The following MYO16 variants were observed in gnomAD, a reference collection of about 807,000 sequenced individuals.
The protein encoded by MYO16 is myosin XVI.
MYO16 carries 94 observed loss-of-function variants against 205.3 expected under a neutral mutation model. The observed-to-expected ratio is 0.46, with a 90% CI of 0.39 to 0.54. The LOEUF is 0.54. Among genes scored for constraint, MYO16 ranks in the 20% least tolerant of loss-of-function variants. The pLI, the probability that MYO16 is intolerant of heterozygous loss-of-function variation, is 0.00. For missense variants in MYO16, 2,315 were observed against 2,387.5 expected (o/e 0.97, Z 0.63); for synonymous variants, 988 against 954.0 (o/e 1.04, Z -0.66).
chr13:108,898,343 G>GGTGTGTGT (rs1303223685), intron 15 of MYO16, among the ~76,000 whole-genome samples: 6 of 67,454 alleles, frequency 8.9e-5, no homozygotes, highest in Admixed American at 6.8e-4. Flanking sequence ...CTCAGTTGAG[G>GGTGTGTGT]GTGTGTGAGT....
chr13:108,970,179 T>C (rs1883956778), intron 20 of MYO16, among the ~76,000 whole-genome samples: 1 of 152,186 alleles, frequency 6.6e-6, no homozygotes, highest in Non-Finnish European at 1.5e-5. Flanking sequence ...ATAGGCAGAA[T>C]TGTTCACAAC....
At chr13:109,016,482 C>G (rs1885822224) in intron 22 of MYO16, among the ~76,000 whole-genome samples, 1 of 152,150 alleles carries the variant, frequency 6.6e-6, no homozygotes, top group Non-Finnish European at 1.5e-5. Flanking sequence ...ATTAGTTCTG[C>G]TTGGTGCAGA....
At chr13:108,826,028 T>C (rs964108967) in intron 9 of MYO16, among the ~76,000 whole-genome samples, 2 of 151,990 alleles carry the variant, frequency 1.3e-5, no homozygotes, top group African/African-American at 2.4e-5. Flanking sequence ...GTTAACACAA[T>C]CTCTATAAAA....
intron 4 of MYO16, among the ~76,000 whole-genome samples, chr13:108,735,609 G>C (rs1032460408): frequency 2.6e-5 from 4 of 151,138 alleles, no homozygotes; most frequent in African/African-American, 9.7e-5. Flanking sequence ...ACATACGTGT[G>C]CATGTGTCTT....
chr13:109,145,431 T>G (rs73619952), intron 32 of MYO16, among the ~76,000 whole-genome samples: 2 of 152,100 alleles, frequency 1.3e-5, no homozygotes, highest in East Asian at 1.9e-4. Context: ...GTAATAGTCA[T>G]AAGAGTTTAG....
chr13:109,017,810 C>T (rs1368368506), intron 22 of MYO16, among the ~76,000 whole-genome samples: 2 of 152,104 alleles, frequency 1.3e-5, no homozygotes, highest in Non-Finnish European at 2.9e-5. Context: ...GTTTTCAGCT[C>T]CATCAGGTCA....
At chr13:109,051,769 G>A (rs2139604194) in intron 24 of MYO16, among the ~76,000 whole-genome samples, 1 of 152,124 alleles carries the variant, frequency 6.6e-6, no homozygotes, top group Admixed American at 6.5e-5. Context: ...TATTTGTTTT[G>A]TTTTGTTTTG....
chr13:108,965,094 G>C (rs1883740008), intron 20 of MYO16, among the ~76,000 whole-genome samples, 192 bp downstream of exon 20: 1 of 152,124 alleles, frequency 6.6e-6, no homozygotes, highest in Admixed American at 6.5e-5. Flanking sequence ...CCTCTCCCTG[G>C]GGTACCCTCC....
chr13:108,854,506 C>T (rs1422685999), intron 10 of MYO16, among the ~76,000 whole-genome samples: 4 of 152,002 alleles, frequency 2.6e-5, no homozygotes, highest in Non-Finnish European at 4.4e-5. Context: ...TTAACAATGG[C>T]ATATGCTGTT....
chr13:108,939,096 C>T (rs770091046), intron 16 of MYO16, among the ~76,000 whole-genome samples: 9 of 152,220 alleles, frequency 5.9e-5, no homozygotes, highest in Non-Finnish European at 1.2e-4. Context: ...CAATCTCAGG[C>T]CCAAGACTAA....
chr13:109,019,052 T>A (rs1006364885), intron 22 of MYO16, among the ~76,000 whole-genome samples: 2 of 150,092 alleles, frequency 1.3e-5, no homozygotes, highest in African/African-American at 4.9e-5. Context: ...CACTGCAACC[T>A]CCACCTCTTG....
chr13:109,177,660 G>T (rs1425108985), intron 33 of MYO16, among the ~76,000 whole-genome samples: 3 of 152,066 alleles, frequency 2.0e-5, no homozygotes, highest in African/African-American at 7.2e-5. Context: ...TGAGACTACA[G>T]GTGTGCACCA....
rs753972670 is a variant in MYO16, at chr13:108,666,184, G to A, written c.292+35G>A. The A allele has an allele frequency of 9.7e-6, 15 of 1,553,650 alleles. No individual in the cohort carries two copies. The Admixed American group carries it at 2.4e-4, about 25-fold the overall frequency. On this transcript the variant is annotated intron_variant, in intron 2 of 34. Coordinates refer to ENST00000457511, the MANE Select transcript of MYO16 (RefSeq NM_001198950.3). Reference sequence around the variant, plus strand: ...AAGAAAGAAGGACCCGTTTTCTGATGTGATTTTTCATGATTGATTTTTGTT... The same window carrying A: ...AAGAAAGAAGGACCCGTTTTCTGATATGATTTTTCATGATTGATTTTTGTT...
At chr13:108,763,572 T>TA (rs1432923965) in intron 4 of MYO16, among the ~76,000 whole-genome samples, 1 of 152,142 alleles carries the variant, frequency 6.6e-6, no homozygotes, top group Non-Finnish European at 1.5e-5. Flanking sequence ...AATACAGATG[T>TA]TAAAGAAGAT....
the MYO16 span, among the ~76,000 whole-genome samples, chr13:108,557,129 T>C: frequency 6.6e-6 from 1 of 152,198 alleles, no homozygotes; most frequent in African/African-American, 2.4e-5. Context: ...TTCTGCAGTT[T>C]CACAAAAATT....
chr13:108,767,457 A>T (rs1270539173), intron 4 of MYO16, among the ~76,000 whole-genome samples: 1 of 151,094 alleles, frequency 6.6e-6, no homozygotes, highest in Non-Finnish European at 1.5e-5. Flanking sequence ...TATACATCTC[A>T]GGACATGGTA....
chr13:108,623,041 A>C (rs963782335), intron 1 of MYO16, among the ~76,000 whole-genome samples: 2 of 152,134 alleles, frequency 1.3e-5, no homozygotes, highest in African/African-American at 4.8e-5. Flanking sequence ...CTCCAGGCTT[A>C]TCACCCTGAA....
At chr13:109,054,790 T>C (rs1445800573) in intron 25 of MYO16, among the ~76,000 whole-genome samples, 1 of 152,150 alleles carries the variant, frequency 6.6e-6, no homozygotes, top group Admixed American at 6.5e-5. Context: ...TGTAAGTGAA[T>C]GTACATGGAT....
chr13:109,088,173 T>C (rs2139683523), intron 27 of MYO16, among the ~76,000 whole-genome samples: 1 of 152,278 alleles, frequency 6.6e-6, no homozygotes, highest in African/African-American at 2.4e-5. Context: ...AAATTCAATG[T>C]CCCCTTTGGT....
Sources: allele counts gnomAD v4.1 joint callset (sites outside exome capture counted in the v4.1 genomes callset), GRCh38; gene constraint gnomAD v4.1.1; transcripts MANE v1.5; gene names NCBI Gene and HGNC (gene_info 2026-07-23, HGNC 2026-07-21).